The following RIGI variants were observed in gnomAD, a reference collection of about 807,000 sequenced individuals.
RIGI encodes RNA sensor RIG-I, also known as antiviral innate immune response receptor RIG-I.
the RIGI span, among the ~76,000 whole-genome samples, chr9:32,486,075 C>A: frequency 6.6e-6 from 1 of 152,202 alleles, no homozygotes; most frequent in Non-Finnish European, 1.5e-5. Context: ...AAAGAACACA[C>A]TTCATGCTCC....
At chr9:32,485,604 G>A in the RIGI span, 14 of 409,894 alleles carry the variant, frequency 3.4e-5, no homozygotes, top group South Asian at 9.1e-5. Flanking sequence ...ACAGTGGCGC[G>A]ATCTCGGCTC....
the RIGI span, among the ~76,000 whole-genome samples, chr9:32,484,627 T>C: frequency 1.6e-3 from 249 of 152,336 alleles, no homozygotes; most frequent in African/African-American, 5.8e-3. Flanking sequence ...TCCTTCCTTC[T>C]CCAATCCATC....
chr9:32,488,347 G>A, the RIGI span: 11 of 786,900 alleles, frequency 1.4e-5, no homozygotes, highest in Non-Finnish European at 2.0e-5. Flanking sequence ...TTAGCACAGA[G>A]CCTGACACAT....
At chr9:32,490,181 C>T in the RIGI span, among the ~76,000 whole-genome samples, 51,512 of 151,954 alleles carry the variant, frequency 0.34, 9,552 homozygotes, top group South Asian at 0.47. Flanking sequence ...CAAGAACAGC[C>T]TGGCCGACAT....
chr9:32,467,719 C>T, the RIGI span: 1 of 1,510,598 alleles, frequency 6.6e-7, no homozygotes, highest in South Asian at 1.3e-5. Flanking sequence ...ATAAATCAGT[C>T]AAAACAGAAT....
the RIGI span, among the ~76,000 whole-genome samples, chr9:32,482,187 T>TTG: frequency 0.059 from 8,571 of 144,966 alleles, 255 homozygotes; most frequent in South Asian, 0.1. Flanking sequence ...GTGTGTTTGT[T>TTG]TGTGTGTGTG....
At chr9:32,480,547 A>G in the RIGI span, among the ~76,000 whole-genome samples, 2 of 152,244 alleles carry the variant, frequency 1.3e-5, no homozygotes, top group African/African-American at 4.8e-5. Flanking sequence ...TACTGTTAAA[A>G]GAAAACTCAA....
At chr9:32,502,537 T>C in the RIGI span, among the ~76,000 whole-genome samples, 4 of 152,244 alleles carry the variant, frequency 2.6e-5, no homozygotes, top group Non-Finnish European at 5.9e-5. Flanking sequence ...GTTTTCATTT[T>C]AGCCTTCTGT....
the RIGI span, among the ~76,000 whole-genome samples, chr9:32,458,466 T>C: frequency 6.6e-6 from 1 of 152,174 alleles, no homozygotes; most frequent in Admixed American, 6.5e-5. Context: ...GCAAGGTAGG[T>C]TTTTTGACTT....
chr9:32,480,013 T>C, the RIGI span, among the ~76,000 whole-genome samples: 1 of 152,128 alleles, frequency 6.6e-6, no homozygotes, highest in Non-Finnish European at 1.5e-5. Context: ...TTCTTCTAAA[T>C]AGGGAATGGT....
At chr9:32,455,384 A>C in the RIGI span, among the ~76,000 whole-genome samples, 1 of 152,160 alleles carries the variant, frequency 6.6e-6, no homozygotes, top group African/African-American at 2.4e-5. Context: ...TCATGGCAGA[A>C]GGGGAAGCAG....
chr9:32,478,070 G>A, the RIGI span, among the ~76,000 whole-genome samples: 1 of 150,490 alleles, frequency 6.6e-6, no homozygotes, highest in African/African-American at 2.5e-5. Context: ...TTCCTGAGAT[G>A]GAGTCTCCTG....
At chr9:32,485,031 T>A in the RIGI span, 1 of 570,954 alleles carries the variant, frequency 1.8e-6, no homozygotes, top group Non-Finnish European at 3.0e-6. Context: ...CATATAAGGC[T>A]CCTAAATAAC....
At chr9:32,470,408 C>G in the RIGI span, among the ~76,000 whole-genome samples, 3 of 152,182 alleles carry the variant, frequency 2.0e-5, no homozygotes, top group Non-Finnish European at 4.4e-5. Flanking sequence ...CAGCCACAGA[C>G]AATACATACA....
the RIGI span, among the ~76,000 whole-genome samples, chr9:32,481,779 T>A: frequency 8.5e-5 from 13 of 152,212 alleles, no homozygotes; most frequent in African/African-American, 2.9e-4. Flanking sequence ...AGAGACAGGG[T>A]TTCACCATGT....
chr9:32,485,322 T>C, the RIGI span: 1 of 1,368,028 alleles, frequency 7.3e-7, no homozygotes, highest in Non-Finnish European at 1.0e-6. Flanking sequence ...AAAGAGTGAG[T>C]ATATTTTCAG....
chr9:32,518,980 G>C, the RIGI span, among the ~76,000 whole-genome samples: 1 of 152,194 alleles, frequency 6.6e-6, no homozygotes, highest in Non-Finnish European at 1.5e-5. Flanking sequence ...AAAGTGCTGA[G>C]ATTACAGGCC....
At chr9:32,498,126 A>T in the RIGI span, among the ~76,000 whole-genome samples, 61 of 152,218 alleles carry the variant, frequency 4.0e-4, 2 homozygotes, top group Admixed American at 3.8e-3. Context: ...ACCAACCAGC[A>T]CTTCTTCCTG....
the RIGI span, among the ~76,000 whole-genome samples, chr9:32,467,497 G>A: frequency 6.6e-6 from 1 of 152,174 alleles, no homozygotes; most frequent in Admixed American, 6.5e-5. Flanking sequence ...GACTGGCAAA[G>A]CTTCAATCCA....
Sources: allele counts gnomAD v4.1 joint callset (sites outside exome capture counted in the v4.1 genomes callset), GRCh38; gene constraint gnomAD v4.1.1; transcripts MANE v1.5; gene names NCBI Gene and HGNC (gene_info 2026-07-23, HGNC 2026-07-21).